The following HINFP variants were observed in gnomAD, a reference collection of about 807,000 sequenced individuals.
The protein encoded by HINFP is MBD2 (methyl-CpG-binding protein)-interacting zinc finger protein.
Under a neutral mutation model 50.1 loss-of-function variants are expected in HINFP, and 20 were observed. The observed-to-expected ratio is 0.40, with a 90% CI of 0.28 to 0.58. HINFP has a LOEUF of 0.58. HINFP is among the 20% of genes least tolerant of loss of function. The pLI is 0.45. For synonymous variants in HINFP, 247 were observed against 243.7 expected (o/e 1.01, Z -0.13); for missense variants, 505 against 664.1 (o/e 0.76, Z 2.63).
chr11:119,130,818 A>T lies in HINFP; in HGVS notation c.275A>T (p.His92Leu), dbSNP rs745459644. The T allele has an allele frequency of 6.2e-7, 1 of 1,614,154 alleles. No homozygotes were observed. Among genetic ancestry groups the T allele is most frequent in the Non-Finnish European group, 8.5e-7 (1 of 1,180,024 alleles). ...CGCCATGTCTACTTCCACTGCTACCACACCAAGCTGAAACAGTGGGGGCTG... is the reference window on the plus strand; with the variant it reads ...CGCCATGTCTACTTCCACTGCTACCTCACCAAGCTGAAACAGTGGGGGCTG... ...LIRHVYFHCYHTKLKQWGLQA... is the reference protein window; with the variant it reads ...LIRHVYFHCYLTKLKQWGLQA... The change falls in exon 3 of 10, where the codon CAC becomes CTC. Residue 92 changes from histidine to leucine, a missense_variant. Physicochemically the swap from His to Leu is moderately conservative, Grantham distance 99. Coordinates refer to ENST00000350777, the MANE Select transcript of HINFP (RefSeq NM_198971.3).
intron 5 of HINFP, 76 bp downstream of exon 5, chr11:119,132,058 GT>G: frequency 6.5e-7 from 1 of 1,540,378 alleles, no homozygotes; most frequent in East Asian, 2.3e-5. Context: ...TCTAGTGGGG[GT>G]GGCCACTGAA....
At chr11:119,125,987 A>G (rs373764856) in intron 1 of HINFP, 32 of 152,312 alleles carry the variant, frequency 2.1e-4, no homozygotes, top group African/African-American at 7.2e-4. Context: ...TACCATTACC[A>G]CTAGTGTGTG....
At chr11:119,127,473 GTTT>G (rs57165169) in intron 2 of HINFP, 11 of 68,976 alleles carry the variant, frequency 1.6e-4, no homozygotes, top group African/African-American at 4.3e-4. Context: ...TTGTTGTTGT[GTTT>G]TTTTTTTTTT....
chr11:119,130,891 C>T lies in HINFP; in HGVS notation c.348C>T (p.Phe116=). ...ACCTTGGCCCCTGCATCCTGGACTT[C>T]CAGAGCCGGAACGTCATCCCTGATA... ...QADLGPCILD[F]QSRNVIPDIP... Residue 116 remains phenylalanine, a synonymous_variant, in exon 3 of 10, where the codon TTC becomes TTT. Coordinates refer to ENST00000350777, the MANE Select transcript of HINFP (RefSeq NM_198971.3). 1 of 1,614,204 alleles carries T rather than the reference C, an allele frequency of 6.2e-7. No homozygotes were observed.
rs1947755156 is a variant in HINFP at position 119,131,516 on chromosome 11, C to G, written c.412-19C>G. 1 of 1,581,550 alleles carries G rather than the reference C, an allele frequency of 6.3e-7. No individual in the cohort carries two copies. Among genetic ancestry groups the G allele is most frequent in the Admixed American group, 1.7e-5 (1 of 59,948 alleles). ...CTCTACCCACCCTCAGTCCTCACCC[C>G]AAGTTGCCCCTGGCACAGAATTCCT... On this transcript the variant is annotated intron_variant, in intron 3 of 9. Transcript: ENST00000350777. The surrounding 1 kb of genome is among the most constrained non-coding windows in gnomAD (Gnocchi z 4.2).
At chr11:119,130,465 T>A in intron 2 of HINFP, 1 of 467,972 alleles carries the variant, frequency 2.1e-6, no homozygotes, top group South Asian at 2.5e-5. Flanking sequence ...ATCTGATTAT[T>A]TGATGAATAT....
intron 1 of HINFP, 84 bp downstream of exon 1, chr11:119,121,723 C>G (rs1394238019): frequency 6.6e-6 from 1 of 152,582 alleles, no homozygotes; most frequent in African/African-American, 2.4e-5. Context: ...TGCCGCTTGG[C>G]CACGCTGGTC....
chr11:119,131,013 C>A lies in HINFP; in HGVS notation c.411+59C>A. The stretch of plus-strand genomic sequence containing the variant: ...GAAGCTGGGGGTCTTAACTCTGATG[C>A]CTTGTCCCTTTCAGGGATGCCTTAT... On this transcript the variant is annotated intron_variant, in intron 3 of 9. Coordinates refer to ENST00000350777, the MANE Select transcript of HINFP (RefSeq NM_198971.3). This position sits in a 1 kb window ranked among gnomAD's most constrained non-coding sequence, Gnocchi z 4.2. 2 of 1,335,394 alleles carry A rather than the reference C, an allele frequency of 1.5e-6. No individual in the cohort carries two copies. Among genetic ancestry groups the A allele is most frequent in the Non-Finnish European group, 2.2e-6 (2 of 926,518 alleles). The allele number at this position is 1,335,394 out of a possible 1,614,324, so 82.7% of individuals were successfully genotyped here.
intron 9 of HINFP, chr11:119,133,668 A>G (rs932774869): frequency 4.2e-6 from 1 of 237,586 alleles, no homozygotes; most frequent in African/African-American, 2.3e-5. Context: ...CCTAAGAATA[A>G]TGGTGGAGCA....
chr11:119,132,829 C>A, intron 7 of HINFP, 35 bp from the exon 8 acceptor site: 1 of 1,614,032 alleles, frequency 6.2e-7, no homozygotes, highest in South Asian at 1.1e-5. Flanking sequence ...CAGTGTTCCC[C>A]ATGTCCTCCA....
intron 1 of HINFP, chr11:119,125,121 T>G (rs1473332723): frequency 7.0e-6 from 1 of 143,206 alleles, no homozygotes; most frequent in East Asian, 2.3e-4. Flanking sequence ...TCATTGCAGC[T>G]TCTGCCTTCC....
At chr11:119,130,633 C>G (rs1947698113) in intron 2 of HINFP, 92 bp from the exon 3 acceptor site, 1 of 1,139,532 alleles carries the variant, frequency 8.8e-7, no homozygotes, top group East Asian at 2.4e-5. Context: ...CTCACGAGTC[C>G]AGCCTCCTCA....
intron 1 of HINFP, chr11:119,124,841 A>C (rs1947296125): frequency 6.6e-6 from 1 of 151,448 alleles, no homozygotes; most frequent in South Asian, 2.1e-4. Context: ...AGGCGTGGTG[A>C]CACACCTGTA....
intron 1 of HINFP, 176 bp from the exon 2 acceptor site, chr11:119,126,759 A>C: frequency 1.8e-6 from 1 of 557,818 alleles, no homozygotes; most frequent in Non-Finnish European, 3.1e-6. Context: ...CACAAACACC[A>C]GACATCTTCC....
Position 119,132,288 on chromosome 11 carries a change from C to G in HINFP, c.677-208C>G, listed in dbSNP as rs1196535644. On this transcript the variant is annotated intron_variant, in intron 5 of 9. Coordinates refer to ENST00000350777, the MANE Select transcript of HINFP (RefSeq NM_198971.3). ...AGAGGTTAAATCACTTACCTGAGAT[C>G]ACACAGCTAGTAAGTGGTGAAGCTG... 8 of 624,566 alleles carry G rather than the reference C, an allele frequency of 1.3e-5. No homozygotes were observed. The Admixed American group carries it at 2.0e-4, about 16-fold the overall frequency. The allele number at this position is 624,566 out of a possible 1,614,324, so 38.7% of individuals were successfully genotyped here.
At position 119,129,490 on chromosome 11, in the gene HINFP, C is replaced by CTTTTTTTTTTT. The variant is rs59395600; in HGVS notation, c.182-1230_182-1220dup. Among the ~76,000 whole-genome samples, 41 of 124,152 alleles carry CTTTTTTTTTTT rather than the reference C, an allele frequency of 3.3e-4. 1 individual carries two copies. Among genetic ancestry groups the CTTTTTTTTTTT allele is most frequent in the South Asian group, 2.8e-3 (8 of 2,908 alleles). 81.4% of individuals were successfully genotyped at this position (124,152 alleles called of 152,430 possible). A position where few individuals can be genotyped will look rare whatever the true frequency, so the allele number is the denominator to read the frequency against. On this transcript the variant is annotated intron_variant, in intron 2 of 9. Transcript: ENST00000350777. The stretch of plus-strand genomic sequence containing the variant: ...TCTGGCAGGAATACATTTTTCTTTT[C>CTTTTTTTTTTT]TTTTTTTTTTTTTTTGTGGGAGTGC...
chr11:119,123,228 A>G (rs1947187781), intron 1 of HINFP, among the ~76,000 whole-genome samples: 1 of 150,818 alleles, frequency 6.6e-6, no homozygotes. Flanking sequence ...AGGAAGAGGG[A>G]ATGAAGTATG....
intron 1 of HINFP, chr11:119,125,133 A>G (rs1245153946): frequency 6.9e-6 from 1 of 145,852 alleles, no homozygotes; most frequent in African/African-American, 2.5e-5. Context: ...CTGCCTTCCA[A>G]GTTCAAGCGA....
chr11:119,122,429 A>G (rs901027294), intron 1 of HINFP, among the ~76,000 whole-genome samples: 11 of 152,010 alleles, frequency 7.2e-5, no homozygotes, highest in South Asian at 2.1e-4. Flanking sequence ...TTATAGTCCA[A>G]TTGGGTAAAC....
Sources: allele counts gnomAD v4.1 joint callset (sites outside exome capture counted in the v4.1 genomes callset), GRCh38; gene constraint gnomAD v4.1.1; non-coding constraint Gnocchi (gnomAD v3.1); transcripts MANE v1.5; gene names NCBI Gene and HGNC (gene_info 2026-07-23, HGNC 2026-07-21).